The following ADAMTS17 variants were observed in gnomAD, a reference collection of about 807,000 sequenced individuals.
ADAMTS17 encodes the protein ADAM metallopeptidase with thrombospondin type 1 motif 17, also known as A disintegrin and metalloproteinase with thrombospondin motifs 17.
In ADAMTS17, 113 loss-of-function variants were observed where a neutral mutation model predicts 141.5. That is an observed-to-expected ratio of 0.80 (90% CI 0.69 to 0.93). ADAMTS17 has a LOEUF of 0.93. ADAMTS17 is among the 40% of genes least tolerant of loss of function. ADAMTS17 has a pLI of 0.00. For synonymous variants in ADAMTS17, 768 were observed against 630.6 expected (o/e 1.22, Z -3.27); for missense variants, 1,659 against 1,517.9 (o/e 1.09, Z -1.54).
chr15:100,263,638 G>A (rs1304397318), intron 4 of ADAMTS17, among the ~76,000 whole-genome samples: 1 of 152,226 alleles, frequency 6.6e-6, no homozygotes, highest in Non-Finnish European at 1.5e-5. Flanking sequence ...TTATGACTCT[G>A]CCGAGTTCCT....
chr15:100,223,921 C>T (rs944339260), intron 7 of ADAMTS17, among the ~76,000 whole-genome samples: 55 of 151,994 alleles, frequency 3.6e-4, no homozygotes, highest in African/African-American at 1.2e-3. Flanking sequence ...AGAAGCAGTC[C>T]GAGTCCCGAA....
chr15:100,004,373 CT>C (rs757143082), intron 18 of ADAMTS17, among the ~76,000 whole-genome samples: 22 of 152,346 alleles, frequency 1.4e-4, no homozygotes, highest in African/African-American at 4.6e-4. Context: ...CCAACCCCCC[CT>C]GGCTCCAGGA....
intron 18 of ADAMTS17, among the ~76,000 whole-genome samples, chr15:100,040,011 C>T (rs2031104264): frequency 2.0e-5 from 3 of 152,074 alleles, no homozygotes; most frequent in Admixed American, 2.0e-4. Context: ...GTATAGCACT[C>T]CTGCTTTCTG....
At chr15:100,269,314 G>T (rs959560707) in intron 4 of ADAMTS17, among the ~76,000 whole-genome samples, 1 of 152,188 alleles carries the variant, frequency 6.6e-6, no homozygotes, top group African/African-American at 2.4e-5. Context: ...TACAGCAAAA[G>T]AAACTATCAG....
In ADAMTS17 at chr15:100,341,025, G is replaced by T. The variant is rs2046348091; in HGVS notation, c.450+14C>A. On this transcript the variant is annotated intron_variant, in intron 2 of 21. Transcript: ENST00000268070. ...AGACCGGACGGGCCGACCCGGAGGT[G>T]GCGCGGGCAGTACCAGGCCGCCGGC... 3 of 1,524,622 alleles carry T rather than the reference G, an allele frequency of 2.0e-6. No individual in the cohort carries two copies. The African/African-American group carries it at 4.1e-5, about 21-fold the overall frequency. 94.4% of individuals were successfully genotyped at this position (1,524,622 alleles called of 1,614,324 possible).
chr15:100,134,145 C>T (rs922479474), intron 10 of ADAMTS17, among the ~76,000 whole-genome samples: 1 of 152,170 alleles, frequency 6.6e-6, no homozygotes, highest in Non-Finnish European at 1.5e-5. Flanking sequence ...GAGACAGGAG[C>T]TGGTAACTCC....
At chr15:100,063,680 C>T (rs765224233) in intron 15 of ADAMTS17, 136 of 1,289,764 alleles carry the variant, frequency 1.1e-4, no homozygotes, top group East Asian at 1.7e-4. Flanking sequence ...GTGTTTTACC[C>T]AGAAAGCTGT....
chr15:100,147,353 A>G (rs1394505703), intron 10 of ADAMTS17, among the ~76,000 whole-genome samples: 1 of 152,190 alleles, frequency 6.6e-6, no homozygotes, highest in African/African-American at 2.4e-5. Flanking sequence ...TGAGAAATCC[A>G]TCAGGCAGAC....
At chr15:100,262,462 G>A (rs757400273) in intron 4 of ADAMTS17, 27 bp from the exon 5 acceptor site, 15 of 1,589,652 alleles carry the variant, frequency 9.4e-6, no homozygotes, top group Non-Finnish European at 1.0e-5. Context: ...AAGAAATAAA[G>A]ATATAAAGAT....
At chr15:100,264,264 G>T (rs1046533836) in intron 4 of ADAMTS17, among the ~76,000 whole-genome samples, 2 of 152,136 alleles carry the variant, frequency 1.3e-5, no homozygotes. Flanking sequence ...GAGGAGGGGG[G>T]AGGCACCCAA....
chr15:100,301,339 A>ATATATT (rs368057785), intron 3 of ADAMTS17, among the ~76,000 whole-genome samples: 13 of 150,866 alleles, frequency 8.6e-5, no homozygotes, highest in African/African-American at 3.2e-4. Flanking sequence ...ATATATATAT[A>ATATATT]TTTTTCTGAG....
chr15:100,060,015 T>C (rs137856569), intron 15 of ADAMTS17, among the ~76,000 whole-genome samples: 2 of 152,320 alleles, frequency 1.3e-5, no homozygotes, highest in African/African-American at 2.4e-5. Context: ...GAAATCAGGA[T>C]ATTGTTGGAC....
At chr15:99,976,018 G>T (rs1333491665) in intron 21 of ADAMTS17, 27 bp downstream of exon 21, 14 of 1,541,464 alleles carry the variant, frequency 9.1e-6, no homozygotes, top group Non-Finnish European at 1.2e-5. Flanking sequence ...CAGCCCCCTG[G>T]GAACCGGGGC....
At chr15:100,098,669 A>AG (rs386384005) in intron 14 of ADAMTS17, among the ~76,000 whole-genome samples, 4 of 151,854 alleles carry the variant, frequency 2.6e-5, no homozygotes, top group African/African-American at 9.7e-5. Flanking sequence ...TCTCAAAAAA[A>AG]AAAAAAATTA....
chr15:100,295,366 A>AG (rs551239770), intron 3 of ADAMTS17, among the ~76,000 whole-genome samples: 56 of 152,250 alleles, frequency 3.7e-4, no homozygotes, highest in Admixed American at 6.5e-4. Context: ...CTCTGTCAAT[A>AG]GGGGGCACTA....
intron 20 of ADAMTS17, among the ~76,000 whole-genome samples, chr15:99,981,011 G>C (rs2060472904): frequency 1.3e-5 from 2 of 152,342 alleles, no homozygotes; most frequent in Non-Finnish European, 2.9e-5. Context: ...AATCCTCAGG[G>C]CTGATGCCGG....
intron 15 of ADAMTS17, among the ~76,000 whole-genome samples, chr15:100,084,882 C>A (rs763153190): frequency 1.2e-4 from 19 of 152,114 alleles, no homozygotes; most frequent in Admixed American, 3.9e-4. Context: ...ATAAAACCAC[C>A]AACATGGGGA....
At chr15:100,002,631 A>C (rs1004235807) in intron 18 of ADAMTS17, among the ~76,000 whole-genome samples, 1 of 152,066 alleles carries the variant, frequency 6.6e-6, no homozygotes, top group Non-Finnish European at 1.5e-5. Flanking sequence ...AAAAGCAAAA[A>C]TGTCATTCAA....
At chr15:100,276,819 G>A (rs950253489) in intron 4 of ADAMTS17, among the ~76,000 whole-genome samples, 4 of 152,116 alleles carry the variant, frequency 2.6e-5, no homozygotes, top group African/African-American at 4.8e-5. Context: ...ACTTGCTAAC[G>A]GAAAGCCCTT....
Sources: allele counts gnomAD v4.1 joint callset (sites outside exome capture counted in the v4.1 genomes callset), GRCh38; gene constraint gnomAD v4.1.1; transcripts MANE v1.5; gene names NCBI Gene and HGNC (gene_info 2026-07-23, HGNC 2026-07-21).